Variants in PGM1 observed in about 807,000 individuals in gnomAD.
PGM1 encodes the protein phosphoglucomutase 1, also known as phosphoglucomutase-1.
In PGM1, 52 loss-of-function variants were observed where a neutral mutation model predicts 55.6. The observed-to-expected ratio is 0.94, with a 90% confidence interval of 0.75 to 1.18. PGM1 has a LOEUF of 1.18. Ranked by LOEUF, PGM1 falls within the 50% of genes most tolerant of loss-of-function variation. PGM1 has a pLI of 0.00. For missense variants in PGM1, 724 were observed against 729.3 expected (o/e 0.99, Z 0.08); for synonymous variants, 287 against 271.7 (o/e 1.06, Z -0.55).
chr1:63,594,960 CAAAAAAA>C (rs56084088), intron 1 of PGM1, among the ~76,000 whole-genome samples: 1 of 93,120 alleles, frequency 1.1e-5, no homozygotes, highest in Non-Finnish European at 2.1e-5. Flanking sequence ...GACTCCGTCT[CAAAAAAA>C]AAAAAAAAGA....
At chr1:63,649,467 G>A (rs1189118529) in intron 8 of PGM1, among the ~76,000 whole-genome samples, 1 of 152,074 alleles carries the variant, frequency 6.6e-6, no homozygotes, top group Non-Finnish European at 1.5e-5. Flanking sequence ...TCCAATTATA[G>A]AGAGAAAATA....
At chr1:63,594,613 A>AT (rs11377492) in intron 1 of PGM1, among the ~76,000 whole-genome samples, 37,524 of 150,792 alleles carry the variant, frequency 0.25, 6,153 homozygotes, top group African/African-American at 0.47. Context: ...GATAGGGGAA[A>AT]TTAAAAAAAA....
rs1557433691 is a variant in PGM1 at position 63,633,924 on chromosome 1, ATATATATATTT to A, written c.683-903_683-893del. 3.3e-4 allele frequency among the ~76,000 whole-genome samples: 22 copies of A among 67,358 alleles called. 1 individual carries two copies. The highest frequency in any genetic ancestry group is 1.9e-3 in the African/African-American group (21 of 11,062). The allele number at this position is 67,358 out of a possible 152,430, so 44.2% of individuals were successfully genotyped here. A position where few individuals can be genotyped will look rare whatever the true frequency, so the allele number is the denominator to read the frequency against. On this transcript the variant is annotated intron_variant, in intron 4 of 10. Transcript: ENST00000371084. The stretch of plus-strand genomic sequence containing the variant: ...TGTGTGTGTGTGTGTGTGTGTATAT[ATATATATATTT>A]TTTTTTTTTTTTTTTTTTTTTTTTT...
intron 10 of PGM1, among the ~76,000 whole-genome samples, chr1:63,656,598 G>GTC (rs1553122812): frequency 8.0e-6 from 1 of 124,540 alleles, no homozygotes; most frequent in African/African-American, 4.5e-5. Context: ...GTGTGTGTGT[G>GTC]TGTGTGTGTA....
Position 63,648,572 on chromosome 1 carries a change from C to T in PGM1, c.1200C>T (p.Ser400=), listed in dbSNP as rs1342932870. ...TGTGGGCTGTCCTTGCCTGGCTCTC[C>T]ATCCTAGCCACCCGCAAGCAGAGTG... ...DGLWAVLAWL[S]ILATRKQSVE... The change falls in exon 8 of 11, where the codon TCC becomes TCT. Residue 400 remains serine (S), a synonymous_variant. Transcript: ENST00000371084. The T allele has an allele frequency of 6.2e-7, 1 of 1,614,112 alleles. No individual in the cohort carries two copies. The highest frequency in any genetic ancestry group is 8.5e-7 in the Non-Finnish European group (1 of 1,179,976).
intron 9 of PGM1, among the ~76,000 whole-genome samples, chr1:63,653,995 G>A (rs967201569): frequency 6.6e-6 from 1 of 152,104 alleles, no homozygotes; most frequent in African/African-American, 2.4e-5. Context: ...GCAGCTTTAT[G>A]TGCTTCATTA....
In PGM1 at chr1:63,638,898, C is replaced by A. The variant is rs550739006; in HGVS notation, c.1144+98C>A. ...GTAGCACTGAAATACCAACGGTAGC[C>A]GATGTGTCCTAAATCAAGGCACAAA... On this transcript the variant is annotated intron_variant, in intron 7 of 10. Transcript: ENST00000371084. 4.6e-6 allele frequency: 4 copies of A among 871,826 alleles called. No individual in the cohort carries two copies. The African/African-American group carries it at 4.9e-5, about 11-fold the overall frequency. 54.0% of individuals were successfully genotyped at this position (871,826 alleles called of 1,614,324 possible).
At chr1:63,620,562 C>G (rs188915278) in intron 1 of PGM1, among the ~76,000 whole-genome samples, 16 of 152,246 alleles carry the variant, frequency 1.1e-4, no homozygotes, top group Admixed American at 5.9e-4. Flanking sequence ...GGGCCTGGGA[C>G]ACCATTATTA....
chr1:63,597,559 A>ATT (rs1648114952), intron 1 of PGM1, among the ~76,000 whole-genome samples: 1 of 152,146 alleles, frequency 6.6e-6, no homozygotes, highest in Non-Finnish European at 1.5e-5. Context: ...ACCAATATAG[A>ATT]GGGGTTCCGT....
rs137960057 is a variant in PGM1 at position 63,648,410 on chromosome 1, C to T, written c.1145-107C>T. On this transcript the variant is annotated intron_variant, in intron 7 of 10. Transcript: ENST00000371084. Reference sequence around the variant, plus strand: ...CAATCACTTCCCATCACGTCCCTCCCTCAACATGAGATTTGGGTGGGGATG... The same window carrying T: ...CAATCACTTCCCATCACGTCCCTCCTTCAACATGAGATTTGGGTGGGGATG... The T allele has an allele frequency of 3.2e-4, 404 of 1,258,156 alleles. 1 individual carries two copies. In the African/African-American group the frequency reaches 5.3e-3, roughly 17 times the overall value. The allele number at this position is 1,258,156 out of a possible 1,614,324, so 77.9% of individuals were successfully genotyped here. A position where few individuals can be genotyped will look rare whatever the true frequency, so the allele number is the denominator to read the frequency against.
intron 7 of PGM1, among the ~76,000 whole-genome samples, chr1:63,646,752 GT>G (rs1343794193): frequency 6.6e-6 from 1 of 151,924 alleles, no homozygotes. Flanking sequence ...TCTCATTGTG[GT>G]TTTAACTTTA....
chr1:63,594,122 T>A (rs750636414), intron 1 of PGM1: 26 of 1,004,590 alleles, frequency 2.6e-5, no homozygotes, highest in Non-Finnish European at 3.1e-5. Context: ...CGGCGCAGAG[T>A]GCTGTCGCCT....
chr1:63,633,760 G>A (rs1378556574), intron 4 of PGM1, among the ~76,000 whole-genome samples: 1 of 149,932 alleles, frequency 6.7e-6, no homozygotes. Context: ...CTCCGCCTCC[G>A]AAGTTCAAGC....
At position 63,593,729 on chromosome 1, in the gene PGM1, A is replaced by T. The variant is rs1315439514; in HGVS notation, c.241A>T (p.Asn81Tyr). The T allele has an allele frequency of 5.0e-6, 8 of 1,595,310 alleles. No individual in the cohort carries two copies. Among genetic ancestry groups the T allele is most frequent in the African/African-American group, 1.3e-5 (1 of 74,560 alleles). Residue 81 changes from asparagine to tyrosine, a missense_variant, in exon 1 of 11, where the codon AAC (asparagine) becomes TAC (tyrosine). Physicochemically the swap from Asn to Tyr is moderately radical, Grantham distance 143. This residue lies in a region of PGM1 where 379 missense variants were observed against 357.5 expected (regional missense o/e 1.06). Transcript: ENST00000371084. ...GCTCATCGCTCGCATCGCTGCCGCCAACGGGGTAAGGGATGCGCGGCCCCG... is the reference window on the plus strand; with the variant it reads ...GCTCATCGCTCGCATCGCTGCCGCCTACGGGGTAAGGGATGCGCGGCCCCG... ...IQLIARIAAA[N>Y]GIGRLVIGQN...
In PGM1 at chr1:63,631,649, T is replaced by C; in HGVS notation, c.557-8T>C. ...CCTTCCATCTTTTGATGTTGCTTGT[T>C]CTCACAGTGGAAATTGTGGATTCGG... is the stretch of plus-strand genomic sequence containing the variant. On this transcript the variant is annotated splice_polypyrimidine_tract_variant and splice_region_variant and intron_variant, in intron 3 of 10. Transcript: ENST00000371084. 6.2e-7 allele frequency: 1 copy of C among 1,612,524 alleles called. No individual in the cohort carries two copies. Among genetic ancestry groups the C allele is most frequent in the Non-Finnish European group, 8.5e-7 (1 of 1,178,596 alleles).
At chr1:63,654,223 C>T (rs1320692062) in intron 9 of PGM1, 109 bp from the exon 10 acceptor site, 1 of 1,109,724 alleles carries the variant, frequency 9.0e-7, no homozygotes, top group African/African-American at 1.5e-5. Flanking sequence ...ATTTAACCCT[C>T]CAATGAACAA....
intron 4 of PGM1, among the ~76,000 whole-genome samples, chr1:63,632,981 C>T (rs1649237348): frequency 6.6e-6 from 1 of 152,168 alleles, no homozygotes; most frequent in African/African-American, 2.4e-5. Flanking sequence ...GGAGATCACA[C>T]CACTGCCCCC....
intron 4 of PGM1, among the ~76,000 whole-genome samples, chr1:63,634,244 A>G (rs1649301463): frequency 6.6e-6 from 1 of 152,104 alleles, no homozygotes; most frequent in African/African-American, 2.4e-5. Flanking sequence ...GGTGATAATC[A>G]TAATATAAAC....
chr1:63,648,523 A>G lies in PGM1; in HGVS notation c.1151A>G (p.Asp384Gly). Residue 384 changes from aspartate (D) to glycine (G), a missense_variant, in exon 8 of 11, where the codon GAC (aspartate) becomes GGC (glycine). Transcript: ENST00000371084. ...CGEESFGTGS[D>G]HIREKDGLWA... Reference sequence around the variant, plus strand: ...CTTGCTGTCCCCCCTCCAGGTTCTGACCACATCCGTGAGAAAGATGGACTG... The same window carrying G: ...CTTGCTGTCCCCCCTCCAGGTTCTGGCCACATCCGTGAGAAAGATGGACTG... The G allele has an allele frequency of 6.2e-7, 1 of 1,614,054 alleles. No individual in the cohort carries two copies. Among genetic ancestry groups the G allele is most frequent in the Non-Finnish European group, 8.5e-7 (1 of 1,179,976 alleles).
Sources: allele counts gnomAD v4.1 joint callset (sites outside exome capture counted in the v4.1 genomes callset), GRCh38; gene constraint gnomAD v4.1.1; regional missense constraint gnomAD v4.1.1; transcripts MANE v1.5; gene names NCBI Gene and HGNC (gene_info 2026-07-23, HGNC 2026-07-21).